Variants in HIF1A observed in about 807,000 individuals in gnomAD.
HIF1A encodes the protein hypoxia-inducible factor 1-alpha.
In HIF1A, 24 loss-of-function variants were observed where a neutral mutation model predicts 92.7. The observed-to-expected ratio is 0.26, with a 90% confidence interval of 0.19 to 0.36. The LOEUF (loss-of-function observed/expected upper bound fraction) is 0.36, where lower values mean the gene tolerates loss of function less well. Ranked by LOEUF, HIF1A falls within the 10% of genes least tolerant of loss-of-function variation. The pLI, the probability that HIF1A is intolerant of heterozygous loss-of-function variation, is 1.00. For missense variants in HIF1A, 799 were observed against 998.5 expected (o/e 0.80, Z 2.69); for synonymous variants, 319 against 338.7 (o/e 0.94, Z 0.64).
chr14:61,738,441 G>C (rs1424724698), intron 10 of HIF1A, 68 bp downstream of exon 10: 9 of 1,367,728 alleles, frequency 6.6e-6, no homozygotes, highest in Non-Finnish European at 9.0e-6. Context: ...GTATTTATAA[G>C]TTTGATTCAA....
chr14:61,733,178 C>T (rs1030833781), intron 7 of HIF1A, among the ~76,000 whole-genome samples: 6 of 152,074 alleles, frequency 3.9e-5, no homozygotes, highest in South Asian at 2.1e-4. Context: ...CCCCGCCTAC[C>T]GGGTTCAAGA....
At chr14:61,709,718 A>C (rs2044285002) in intron 1 of HIF1A, among the ~76,000 whole-genome samples, 1 of 152,164 alleles carries the variant, frequency 6.6e-6, no homozygotes, top group South Asian at 2.1e-4. Context: ...TGTTTTTTTG[A>C]ATTTCAAATT....
chr14:61,700,555 A>C (rs888985217), intron 1 of HIF1A, among the ~76,000 whole-genome samples: 1 of 152,168 alleles, frequency 6.6e-6, no homozygotes, highest in African/African-American at 2.4e-5. Context: ...CCAGCAACGG[A>C]CACTTGGGTT....
chr14:61,731,183 ACAG>A (rs1379255237), intron 6 of HIF1A, among the ~76,000 whole-genome samples: 1 of 151,686 alleles, frequency 6.6e-6, no homozygotes, highest in African/African-American at 2.4e-5. Context: ...TTTTTGACAC[ACAG>A]CATGTTATAT....
intron 1 of HIF1A, among the ~76,000 whole-genome samples, chr14:61,706,528 A>G (rs1049847397): frequency 2.6e-5 from 4 of 152,236 alleles, no homozygotes; most frequent in African/African-American, 7.2e-5. Flanking sequence ...CCTGACAAAC[A>G]TGGTATGTTA....
At chr14:61,738,830 A>G (rs561420519) in intron 10 of HIF1A, among the ~76,000 whole-genome samples, 1 of 152,242 alleles carries the variant, frequency 6.6e-6, no homozygotes, top group Non-Finnish European at 1.5e-5. Flanking sequence ...TCAACCTCCC[A>G]GGCTCAAATG....
intron 1 of HIF1A, chr14:61,717,146 T>A (rs2044372806): frequency 6.6e-6 from 1 of 152,212 alleles, no homozygotes; most frequent in Non-Finnish European, 1.5e-5. Flanking sequence ...AAACAAATAG[T>A]ACAGGATTCA....
intron 11 of HIF1A, 22 bp from the exon 12 acceptor site, chr14:61,740,733 T>A (rs1214969390): frequency 6.3e-7 from 1 of 1,585,698 alleles, no homozygotes; most frequent in Admixed American, 1.8e-5. Flanking sequence ...TTGTAAAAAC[T>A]CATGTATTTG....
chr14:61,710,917 G>A lies in HIF1A; in HGVS notation c.36-9465G>A, dbSNP rs143457558. ...CTAGTAAAAATACAAAAAATTAGCC[G>A]GGTGTGGTGGCAGGCGCCTGTAACC... On this transcript the variant is annotated intron_variant, in intron 1 of 14. Transcript: ENST00000337138. Among the ~76,000 whole-genome samples, 1,371 of 151,962 alleles carry A rather than the reference G, an allele frequency of 9.0e-3. 15 individuals carry two copies. The highest frequency in any genetic ancestry group is 0.03 in the African/African-American group (1,259 of 41,460).
rs778533208 is a variant in HIF1A, at chr14:61,747,091, T to C, written c.*6T>C. On this transcript the variant is annotated 3_prime_UTR_variant, in exon 15 of 15. Coordinates refer to ENST00000337138, the MANE Select transcript of HIF1A (RefSeq NM_001530.4). ...CTTTGGATCAAGTTAACTGAGCTTTTTCTTAATTTCATTCCTTTTTTTGGA... is the reference window on the plus strand; with the variant it reads ...CTTTGGATCAAGTTAACTGAGCTTTCTCTTAATTTCATTCCTTTTTTTGGA... 1 of 1,597,782 alleles carries C rather than the reference T, an allele frequency of 6.3e-7. No individual in the cohort carries two copies. The highest frequency in any genetic ancestry group is 8.5e-7 in the Non-Finnish European group (1 of 1,175,496).
At chr14:61,704,267 C>T (rs1020172779) in intron 1 of HIF1A, among the ~76,000 whole-genome samples, 3 of 152,114 alleles carry the variant, frequency 2.0e-5, no homozygotes, top group Non-Finnish European at 2.9e-5. Context: ...GATAATCTGA[C>T]GAAGGCTATT....
At chr14:61,715,033 T>C (rs2044347526) in intron 1 of HIF1A, among the ~76,000 whole-genome samples, 1 of 150,238 alleles carries the variant, frequency 6.7e-6, no homozygotes, top group Non-Finnish European at 1.5e-5. Context: ...AAATGCCGTC[T>C]CAGGAAAAAA....
chr14:61,720,909 C>G (rs1014202830), intron 2 of HIF1A, among the ~76,000 whole-genome samples: 3 of 152,082 alleles, frequency 2.0e-5, no homozygotes, highest in African/African-American at 7.2e-5. Context: ...TTCCCCTCCC[C>G]CCTTTTTCTC....
Position 61,697,761 on chromosome 14 carries a change from C to A in HIF1A, c.35+1922C>A, listed in dbSNP as rs543505481. ...TTTAGATGCTGTTTATAATAGATGA[C>A]CTTTTCTAACTAATTTACAGTTTTT... On this transcript the variant is annotated intron_variant, in intron 1 of 14. Transcript: ENST00000337138. The A allele has an allele frequency of 7.7e-6, 11 of 1,420,596 alleles. No individual in the cohort carries two copies. The South Asian group carries it at 1.6e-4, about 20-fold the overall frequency. The allele number at this position is 1,420,596 out of a possible 1,614,324, so 88.0% of individuals were successfully genotyped here.
intron 1 of HIF1A, among the ~76,000 whole-genome samples, chr14:61,715,212 A>T (rs1254806271): frequency 1.3e-5 from 2 of 152,164 alleles, no homozygotes; most frequent in African/African-American, 4.8e-5. Flanking sequence ...ACCGGAAGGG[A>T]TTACCTTGCT....
intron 2 of HIF1A, 80 bp downstream of exon 2, chr14:61,720,652 C>T (rs1480259342): frequency 3.2e-6 from 3 of 928,032 alleles, no homozygotes; most frequent in Non-Finnish European, 4.7e-6. Context: ...AGAAGGTGGT[C>T]GCAATGTTTT....
intron 1 of HIF1A, among the ~76,000 whole-genome samples, chr14:61,706,547 G>A (rs1208968373): frequency 6.6e-6 from 1 of 152,206 alleles, no homozygotes; most frequent in Non-Finnish European, 1.5e-5. Context: ...TATAGGATGT[G>A]TATTCAGTTA....
chr14:61,723,692 GC>G (rs575260613), intron 4 of HIF1A, among the ~76,000 whole-genome samples: 9 of 152,182 alleles, frequency 5.9e-5, no homozygotes, highest in South Asian at 2.1e-4. Context: ...TATATTGACT[GC>G]TCAGTGCTTC....
intron 1 of HIF1A, among the ~76,000 whole-genome samples, chr14:61,700,157 G>A (rs532151952): frequency 3.3e-5 from 5 of 151,794 alleles, no homozygotes; most frequent in Admixed American, 2.0e-4. Flanking sequence ...TTTTAAAATC[G>A]TAGTTCAAAA....
Sources: gnomAD v4.1 joint callset for allele counts (sites outside exome capture counted in the v4.1 genomes callset) on GRCh38, gnomAD v4.1.1 for gene constraint, MANE v1.5 for transcripts, NCBI Gene and HGNC (gene_info 2026-07-23, HGNC 2026-07-21) for gene names.